PCDHGB3: variants seen among roughly 807,000 people sequenced by gnomAD.
PCDHGB3 encodes the protein protocadherin gamma subfamily B, 3.
In PCDHGB3, 40 loss-of-function variants were observed where a neutral mutation model predicts 59.2. That is an observed-to-expected ratio of 0.68 (90% CI 0.52 to 0.88). The LOEUF is 0.88. PCDHGB3 is among the 40% of genes least tolerant of loss of function. The pLI, the probability that PCDHGB3 is intolerant of heterozygous loss-of-function variation, is 0.00. For synonymous variants in PCDHGB3, 581 were observed against 503.6 expected, an observed-to-expected ratio of 1.15 and a Z score of -2.06; for missense variants, 1,309 against 1,187.9, an observed-to-expected ratio of 1.10 and a Z score of -1.50.
chr5:141,388,631 G>T, intron 1 of PCDHGB3: 2 of 1,613,960 alleles, frequency 1.2e-6, no homozygotes, highest in Non-Finnish European at 1.7e-6. Context: ...TATACAGGGT[G>T]AGCCTTTCAG....
intron 1 of PCDHGB3, chr5:141,375,203 C>T (rs1346536726): frequency 4.3e-6 from 7 of 1,613,912 alleles, no homozygotes; most frequent in Non-Finnish European, 5.1e-6. Flanking sequence ...AGTGTTCGAT[C>T]GAGACTCTGG....
At chr5:141,434,323 T>G (rs578049856) in intron 1 of PCDHGB3, among the ~76,000 whole-genome samples, 1 of 152,358 alleles carries the variant, frequency 6.6e-6, no homozygotes, top group South Asian at 2.1e-4. Flanking sequence ...CTCTTGCTGC[T>G]TGTCTCTTTG....
intron 1 of PCDHGB3, chr5:141,418,660 T>C (rs1377720154): frequency 6.2e-7 from 1 of 1,614,024 alleles, no homozygotes; most frequent in Admixed American, 1.7e-5. Context: ...TGAAGGCCAC[T>C]GACCAGGACG....
intron 1 of PCDHGB3, among the ~76,000 whole-genome samples, chr5:141,381,049 T>C (rs1384350654): frequency 2.0e-5 from 3 of 152,252 alleles, no homozygotes; most frequent in Admixed American, 2.0e-4. Context: ...TTATCTACTT[T>C]GTGAATGCAA....
intron 1 of PCDHGB3, chr5:141,379,765 A>G (rs1294190356): frequency 6.6e-6 from 1 of 152,120 alleles, no homozygotes; most frequent in Non-Finnish European, 1.5e-5. Context: ...CACCTGCAAT[A>G]CAGATCATTA....
At chr5:141,410,458 T>A in intron 1 of PCDHGB3, 1 of 1,614,040 alleles carries the variant, frequency 6.2e-7, no homozygotes, top group African/African-American at 1.3e-5. Flanking sequence ...CTTATTCTTA[T>A]AATCTGTGCA....
chr5:141,487,485 G>A lies in PCDHGB3; in HGVS notation c.2416-7322G>A. On this transcript the variant is annotated intron_variant, in intron 1 of 3. Transcript: ENST00000576222. The surrounding 1 kb of genome is among the most constrained non-coding windows in gnomAD (Gnocchi z 5.0). ...GTTGATGTGGGAGGCCACTCTCATG[G>A]CTGTACACCCTTGGCTTCTGCACCC... The A allele has an allele frequency of 6.2e-7, 1 of 1,614,164 alleles. No homozygotes were observed. Among genetic ancestry groups the A allele is most frequent in the Non-Finnish European group, 8.5e-7 (1 of 1,180,030 alleles).
chr5:141,505,628 A>C, intron 3 of PCDHGB3, 147 bp downstream of exon 3: 1 of 1,481,752 alleles, frequency 6.7e-7, no homozygotes, highest in Non-Finnish European at 9.0e-7. Flanking sequence ...ACAATTCCAA[A>C]CATAAAGCCT....
At position 141,370,631 on chromosome 5, in the gene PCDHGB3, C is replaced by A. The variant is rs1192871928; in HGVS notation, c.237C>A (p.Pro79=). 6.2e-7 allele frequency: 1 copy of A among 1,613,710 alleles called. No individual in the cohort carries two copies. Among genetic ancestry groups the A allele is most frequent in the South Asian group, 1.1e-5 (1 of 91,074 alleles). Residue 79 remains proline, a synonymous_variant, in exon 1 of 4, where the codon CCC becomes CCA. Transcript: ENST00000576222. ...AGAAGAAATTCTTTACCGTGAGCCC[C>A]GAAAATGGGAACTTACTTGTGAGCG... ...IAEKKFFTVS[P]ENGNLLVSDR... is the part of the protein sequence containing the mutation.
rs1481706003 is a variant in PCDHGB3, at chr5:141,491,416, G to A, written c.2416-3391G>A. On this transcript the variant is annotated intron_variant, in intron 1 of 3. Transcript: ENST00000576222. This position sits in a 1 kb window ranked among gnomAD's most constrained non-coding sequence, Gnocchi z 6.9. ...TCAGGGAAACGCAGACGGGGACGGG[G>A]GTGGAGGGCAGTGCTGCAGGCGCCA... 3 of 1,614,138 alleles carry A rather than the reference G, an allele frequency of 1.9e-6. No homozygotes were observed. The highest frequency in any genetic ancestry group is 2.2e-5 in the East Asian group (1 of 44,874).
intron 3 of PCDHGB3, among the ~76,000 whole-genome samples, chr5:141,506,045 C>G (rs1379226123): frequency 6.6e-6 from 1 of 152,078 alleles, no homozygotes; most frequent in Non-Finnish European, 1.5e-5. Flanking sequence ...TCTGGTTTTC[C>G]CATAAGGTTG....
chr5:141,495,080 G>A (rs73794925), intron 2 of PCDHGB3, among the ~76,000 whole-genome samples: 1 of 152,258 alleles, frequency 6.6e-6, no homozygotes, highest in African/African-American at 2.4e-5. Flanking sequence ...TCACATGCTT[G>A]CCCCTTCCCT....
intron 1 of PCDHGB3, among the ~76,000 whole-genome samples, chr5:141,443,376 T>C (rs1365277469): frequency 6.6e-6 from 1 of 151,990 alleles, no homozygotes; most frequent in Admixed American, 6.6e-5. Flanking sequence ...TCTCAGCTAC[T>C]TGGGAGGCTG....
chr5:141,413,548 A>G, intron 1 of PCDHGB3: 1 of 1,613,946 alleles, frequency 6.2e-7, no homozygotes, highest in Non-Finnish European at 8.5e-7. Context: ...TGGGATAGAA[A>G]TAGAAGTAAC....
In PCDHGB3 at chr5:141,486,697, C is replaced by T. The variant is rs146956400; in HGVS notation, c.2416-8110C>T. 89 of 1,614,058 alleles carry T rather than the reference C, an allele frequency of 5.5e-5. No homozygotes were observed. Among genetic ancestry groups the T allele is most frequent in the Non-Finnish European group, 7.4e-5 (87 of 1,180,040 alleles). ...GAGATGTATCAGCTTCCTCTTTCAT[C>T]TCTCTGAACCCCCAGACAGGAGCTG... On this transcript the variant is annotated intron_variant, in intron 1 of 3. Coordinates refer to ENST00000576222, the MANE Select transcript of PCDHGB3 (RefSeq NM_018924.5). The surrounding 1 kb of genome is among the most constrained non-coding windows in gnomAD (Gnocchi z 5.0).
intron 1 of PCDHGB3, among the ~76,000 whole-genome samples, chr5:141,437,741 C>CTTT (rs35124340): frequency 4.2e-5 from 6 of 141,750 alleles, no homozygotes; most frequent in Admixed American, 7.0e-5. Flanking sequence ...TTGAGTTCAC[C>CTTT]TTTTTTTTTT....
chr5:141,426,711 G>C, intron 1 of PCDHGB3: 1 of 444,496 alleles, frequency 2.2e-6, no homozygotes, highest in Non-Finnish European at 4.6e-6. Flanking sequence ...ACAAATCAAT[G>C]AACTAGCAAT....
chr5:141,413,690 A>T lies in PCDHGB3; in HGVS notation c.2415+40881A>T, dbSNP rs553462819. On this transcript the variant is annotated intron_variant, in intron 1 of 3. Transcript: ENST00000576222. ...CCGGATGTGGGCGTGAACTCCCTGC[A>T]GAGCTATCAGCTCAGCCCCAATAAG... 9.9e-6 allele frequency: 16 copies of T among 1,613,702 alleles called. No individual in the cohort carries two copies. The East Asian group carries it at 2.9e-4, about 29-fold the overall frequency.
intron 1 of PCDHGB3, chr5:141,408,182 C>G: frequency 6.5e-7 from 1 of 1,537,898 alleles, no homozygotes; most frequent in Non-Finnish European, 8.8e-7. Flanking sequence ...AGCGGGGACC[C>G]AGCGAGAACC....
Sources: allele counts gnomAD v4.1 joint callset (sites outside exome capture counted in the v4.1 genomes callset), GRCh38; gene constraint gnomAD v4.1.1; non-coding constraint Gnocchi (gnomAD v3.1); transcripts MANE v1.5; gene names NCBI Gene and HGNC (gene_info 2026-07-23, HGNC 2026-07-21).